Variants in ANKFN1 observed in about 807,000 individuals in gnomAD.
ANKFN1 encodes the protein ankyrin repeat and fibronectin type III domain containing 1, also known as ankyrin repeat and fibronectin type-III domain-containing protein 1.
A neutral mutation model predicts 108.7 loss-of-function variants in ANKFN1; 74 were observed. That is an observed-to-expected ratio of 0.68 (90% CI 0.56 to 0.83). ANKFN1 has a LOEUF of 0.83. Among genes scored for constraint, ANKFN1 ranks in the 40% least tolerant of loss-of-function variants. ANKFN1 has a pLI of 0.00. For synonymous variants in ANKFN1, 547 were observed against 516.2 expected, an observed-to-expected ratio of 1.06 and a Z score of -0.81; for missense variants, 1,505 against 1,382.3, an observed-to-expected ratio of 1.09 and a Z score of -1.41.
chr17:56,066,737 C>T (rs868578526), intron 4 of ANKFN1, among the ~76,000 whole-genome samples: 5 of 152,104 alleles, frequency 3.3e-5, no homozygotes, highest in African/African-American at 9.7e-5. Context: ...AACTTCTTCC[C>T]CTCCCCATAG....
At chr17:56,425,804 C>A (rs1384830051) in intron 8 of ANKFN1, among the ~76,000 whole-genome samples, 1 of 152,234 alleles carries the variant, frequency 6.6e-6, no homozygotes, top group African/African-American at 2.4e-5. Flanking sequence ...TCTATCATTA[C>A]TCTCATCAGA....
intron 3 of ANKFN1, among the ~76,000 whole-genome samples, chr17:56,316,530 AT>A (rs1166118501): frequency 6.6e-6 from 1 of 152,178 alleles, no homozygotes; most frequent in African/African-American, 2.4e-5. Flanking sequence ...TTAGAGATTT[AT>A]TCATTTAGCA....
intron 7 of ANKFN1, among the ~76,000 whole-genome samples, chr17:56,374,174 T>A (rs1013089256): frequency 1.3e-5 from 2 of 152,186 alleles, no homozygotes; most frequent in African/African-American, 4.8e-5. Flanking sequence ...GGTTTCCTCA[T>A]ACCAAAAGTG....
intron 3 of ANKFN1, among the ~76,000 whole-genome samples, chr17:56,309,862 A>C (rs974610230): frequency 6.6e-6 from 1 of 152,128 alleles, no homozygotes; most frequent in African/African-American, 2.4e-5. Context: ...ATCTTATTGC[A>C]CTCTCTTCAC....
chr17:56,290,082 CTT>C (rs1400076743), intron 3 of ANKFN1, among the ~76,000 whole-genome samples: 1 of 152,112 alleles, frequency 6.6e-6, no homozygotes, highest in Admixed American at 6.5e-5. Context: ...GAGTATTTTA[CTT>C]TCTCTTCCTT....
intron 3 of ANKFN1, among the ~76,000 whole-genome samples, chr17:56,255,521 C>A (rs1911015959): frequency 6.6e-6 from 1 of 152,142 alleles, no homozygotes; most frequent in African/African-American, 2.4e-5. Context: ...GCATTTCCAT[C>A]TTTTCCTTGG....
intron 1 of ANKFN1, among the ~76,000 whole-genome samples, chr17:56,204,110 G>A (rs1914302850): frequency 2.6e-5 from 4 of 152,116 alleles, no homozygotes; most frequent in Admixed American, 2.0e-4. Context: ...GCAATGGCAC[G>A]ATCTCGGCTC....
intron 1 of ANKFN1, among the ~76,000 whole-genome samples, chr17:56,164,074 C>T (rs142054035): frequency 3.1e-4 from 47 of 152,280 alleles, no homozygotes; most frequent in African/African-American, 1.1e-3. Context: ...TGTGGACCCC[C>T]AAGGCCTCTC....
At chr17:56,286,333 T>C (rs548675269) in intron 3 of ANKFN1, among the ~76,000 whole-genome samples, 54 of 152,316 alleles carry the variant, frequency 3.5e-4, no homozygotes, top group African/African-American at 1.3e-3. Flanking sequence ...AAAACAACAA[T>C]AGTCATTTAT....
chr17:56,265,468 A>T (rs1402865330), intron 3 of ANKFN1, among the ~76,000 whole-genome samples: 1 of 152,168 alleles, frequency 6.6e-6, no homozygotes, highest in African/African-American at 2.4e-5. Flanking sequence ...ACATGTGGGG[A>T]TTACAATTTG....
intron 8 of ANKFN1, among the ~76,000 whole-genome samples, chr17:56,387,444 G>A (rs987010353): frequency 2.0e-5 from 3 of 152,070 alleles, no homozygotes; most frequent in African/African-American, 7.2e-5. Flanking sequence ...ATTTCCAAGT[G>A]GCCAGATTTT....
In ANKFN1 at chr17:56,511,165, C is replaced by A; in HGVS notation, c.3337C>A (p.Pro1113Thr). 6.5e-7 allele frequency: 1 copy of A among 1,536,082 alleles called. No homozygotes were observed. ...AAAACCATGGGCAAGCTTGAGCCCG[C>A]CCTCTGGAGGCCGCATCACCCTGCC... ...DEKPWASLSP[P>T]SGGRITLPSP... The change falls in exon 21 of 21, where the codon CCC becomes ACC. Residue 1113 changes from proline to threonine, a missense_variant. Physicochemically the swap from Pro to Thr is conservative, Grantham distance 38. Coordinates refer to ENST00000682825, the MANE Select transcript of ANKFN1 (RefSeq NM_001370326.1).
intron 3 of ANKFN1, among the ~76,000 whole-genome samples, chr17:56,242,868 T>A (rs535622467): frequency 3.2e-4 from 49 of 152,232 alleles, no homozygotes; most frequent in African/African-American, 1.0e-3. Context: ...AGGATTTTTT[T>A]AAAAAAACAT....
intron 8 of ANKFN1, among the ~76,000 whole-genome samples, chr17:56,377,104 G>C (rs1166447990): frequency 6.6e-6 from 1 of 152,178 alleles, no homozygotes; most frequent in Non-Finnish European, 1.5e-5. Flanking sequence ...GCAGCATTTA[G>C]GGTTTGGCAA....
intron 2 of ANKFN1, among the ~76,000 whole-genome samples, chr17:56,217,538 G>A (rs937326807): frequency 6.6e-5 from 10 of 152,138 alleles, no homozygotes; most frequent in Non-Finnish European, 1.5e-4. Flanking sequence ...CACAAATGGC[G>A]AAGAGGATAA....
intron 1 of ANKFN1, among the ~76,000 whole-genome samples, chr17:56,211,906 G>A (rs913072704): frequency 1.3e-5 from 2 of 151,942 alleles, no homozygotes; most frequent in East Asian, 1.9e-4. Flanking sequence ...CGGCTTGGTC[G>A]CTCTTGGTGT....
chr17:56,109,055 C>T (rs1223276037), intron 4 of ANKFN1, among the ~76,000 whole-genome samples: 1 of 152,202 alleles, frequency 6.6e-6, no homozygotes, highest in East Asian at 1.9e-4. Flanking sequence ...AAAGTCTCAG[C>T]TCTGCCTAGC....
At chr17:56,392,681 AAAAT>A (rs1456053334) in intron 8 of ANKFN1, among the ~76,000 whole-genome samples, 2 of 152,164 alleles carry the variant, frequency 1.3e-5, no homozygotes, top group Non-Finnish European at 2.9e-5. Flanking sequence ...GAACCAACCA[AAAAT>A]AAATAAACAA....
chr17:56,430,919 A>T (rs1785802728), intron 8 of ANKFN1, among the ~76,000 whole-genome samples: 1 of 152,226 alleles, frequency 6.6e-6, no homozygotes, highest in Admixed American at 6.5e-5. Flanking sequence ...TTCCATGTAG[A>T]ACTGACATTT....
Sources: allele counts gnomAD v4.1 joint callset (sites outside exome capture counted in the v4.1 genomes callset), GRCh38; gene constraint gnomAD v4.1.1; transcripts MANE v1.5; gene names NCBI Gene and HGNC (gene_info 2026-07-23, HGNC 2026-07-21).